The following PRDM16 variants were observed in gnomAD, a reference collection of about 807,000 sequenced individuals.
PRDM16 encodes histone-lysine N-methyltransferase PRDM16.
A neutral mutation model predicts 110.6 loss-of-function variants in PRDM16; 23 were observed. The ratio of observed to expected loss-of-function variants is 0.21; its 90% confidence interval spans 0.15 to 0.29. PRDM16 has a LOEUF of 0.29. PRDM16 is among the 10% of genes least tolerant of loss of function. The pLI, the probability that PRDM16 is intolerant of heterozygous loss-of-function variation, is 1.00. For synonymous variants in PRDM16, 799 were observed against 781.8 expected, an observed-to-expected ratio of 1.02 and a Z score of -0.37; for missense variants, 1,615 against 1,794.3, an observed-to-expected ratio of 0.90 and a Z score of 1.81.
chr1:3,368,000 G>C (rs1372339013), intron 3 of PRDM16, among the ~76,000 whole-genome samples: 1 of 152,226 alleles, frequency 6.6e-6, no homozygotes, highest in East Asian at 1.9e-4. Flanking sequence ...GAGAGCTGGA[G>C]GAGGGGACAG....
Position 3,353,250 on chromosome 1 carries a change from T to G in PRDM16, c.439-31902T>G, listed in dbSNP as rs1642529672. Among the ~76,000 whole-genome samples the G allele has an allele frequency of 6.6e-6, 1 of 152,218 alleles. No homozygotes were observed. The highest frequency in any genetic ancestry group is 2.4e-5 in the African/African-American group (1 of 41,458). ...TGTTGCCTGAGGTGCGGTAAAAGTT[T>G]ACGAGGGCTGGGCAGCTCCTAGGCA... On this transcript the variant is annotated intron_variant, in intron 3 of 16. Coordinates refer to ENST00000270722, the MANE Select transcript of PRDM16 (RefSeq NM_022114.4). The surrounding 1 kb of genome is among the most constrained non-coding windows in gnomAD (Gnocchi z 5.4).
intron 1 of PRDM16, among the ~76,000 whole-genome samples, chr1:3,173,352 C>T (rs1439676573): frequency 1.3e-5 from 2 of 152,174 alleles, no homozygotes; most frequent in East Asian, 1.9e-4. Context: ...CTGCCCGGGG[C>T]GATGGAGGCG....
At chr1:3,151,299 C>T (rs553963297) in intron 1 of PRDM16, among the ~76,000 whole-genome samples, 6 of 152,304 alleles carry the variant, frequency 3.9e-5, no homozygotes, top group East Asian at 3.9e-4. Flanking sequence ...GAAGTGGGGA[C>T]GAGCAGGGTC....
At position 3,359,857 on chromosome 1, in the gene PRDM16, G is replaced by GC. The variant is rs377571853; in HGVS notation, c.439-25294dup. On this transcript the variant is annotated intron_variant, in intron 3 of 16. Transcript: ENST00000270722. The surrounding 1 kb of genome is among the most constrained non-coding windows in gnomAD (Gnocchi z 4.3). ...ACTTAGAAGGTGGCACCCGACAAGG[G>GC]CTTCCAATGTGTTCCATGTGCAGGA... Among the ~76,000 whole-genome samples, 23 of 141,812 alleles carry GC rather than the reference G, an allele frequency of 1.6e-4. No homozygotes were observed. Among genetic ancestry groups the GC allele is most frequent in the African/African-American group, 6.6e-4 (21 of 31,678 alleles). The allele number at this position is 141,812 out of a possible 152,430, so 93.0% of individuals were successfully genotyped here.
rs1422622117 is a variant in PRDM16 at position 3,244,930 on chromosome 1, T to C, written c.438+793T>C. 6.6e-6 allele frequency among the ~76,000 whole-genome samples: 1 copy of C among 152,202 alleles called. No homozygotes were observed. The highest frequency in any genetic ancestry group is 2.4e-5 in the African/African-American group (1 of 41,452). On this transcript the variant is annotated intron_variant, in intron 3 of 16. Coordinates refer to ENST00000270722, the MANE Select transcript of PRDM16 (RefSeq NM_022114.4). This position sits in a 1 kb window ranked among gnomAD's most constrained non-coding sequence, Gnocchi z 4.1. The stretch of plus-strand genomic sequence containing the variant: ...ACACAGCACGCTCACACGTGGTGGC[T>C]GATCTCCTATTTTTTGGGGGGGGGT...
chr1:3,253,523 A>G (rs1469668769), intron 3 of PRDM16, among the ~76,000 whole-genome samples: 2 of 151,590 alleles, frequency 1.3e-5, no homozygotes, highest in Non-Finnish European at 2.9e-5. Context: ...CCATGTCCCT[A>G]CAAAGGACAT....
In PRDM16 at chr1:3,438,003, T is replaced by C; in HGVS notation, c.*4192T>C. ...CTGTGCCGCCCGCCACCTTCTGCCA[T>C]TGTTACATTACAGATTTGGTTTAGT... On this transcript the variant is annotated 3_prime_UTR_variant, in exon 17 of 17. Transcript: ENST00000270722. 1 of 217,732 alleles carries C rather than the reference T, an allele frequency of 4.6e-6. No homozygotes were observed. Among genetic ancestry groups the C allele is most frequent in the Non-Finnish European group, 9.2e-6 (1 of 108,164 alleles). 13.5% of individuals were successfully genotyped at this position (217,732 alleles called of 1,614,324 possible).
rs145260355 is a variant in PRDM16, at chr1:3,233,621, G to C, written c.388-10466G>C. On this transcript the variant is annotated intron_variant, in intron 2 of 16. Coordinates refer to ENST00000270722, the MANE Select transcript of PRDM16 (RefSeq NM_022114.4). ...CTGGTCCTCTCTGCCCAGCAGGCCT[G>C]CAGTAGCCTCCTTCAGCAGCCTCCC... 3.1e-4 allele frequency among the ~76,000 whole-genome samples: 47 copies of C among 152,340 alleles called. No homozygotes were observed. In the East Asian group the frequency reaches 8.9e-3, roughly 29 times the overall value.
chr1:3,362,154 G>C (rs1452712422), intron 3 of PRDM16, among the ~76,000 whole-genome samples: 1 of 152,246 alleles, frequency 6.6e-6, no homozygotes, highest in Admixed American at 6.5e-5. Flanking sequence ...CAAGGAGCAT[G>C]GAGTGGCCTC....
At chr1:3,098,457 G>A (rs1040876792) in intron 1 of PRDM16, among the ~76,000 whole-genome samples, 10 of 152,254 alleles carry the variant, frequency 6.6e-5, no homozygotes, top group East Asian at 3.9e-4. Context: ...CCCACTCACC[G>A]CTCCACCCAG....
intron 3 of PRDM16, among the ~76,000 whole-genome samples, chr1:3,247,476 C>A (rs901436778): frequency 6.6e-6 from 1 of 152,192 alleles, no homozygotes; most frequent in Non-Finnish European, 1.5e-5. Flanking sequence ...CGGGGCCTGG[C>A]TCCTGTGGGC....
intron 8 of PRDM16, among the ~76,000 whole-genome samples, chr1:3,408,536 G>C (rs1284163881): frequency 6.8e-6 from 1 of 147,306 alleles, no homozygotes; most frequent in Non-Finnish European, 1.5e-5. Flanking sequence ...GAGAGCGTGT[G>C]TGTGGACACA....
At position 3,409,686 on chromosome 1, in the gene PRDM16, G is replaced by A. The variant is rs556224090; in HGVS notation, c.1187-1698G>A. Among the ~76,000 whole-genome samples, 55 of 150,328 alleles carry A rather than the reference G, an allele frequency of 3.7e-4. 1 individual carries two copies. Among genetic ancestry groups the A allele is most frequent in the Non-Finnish European group, 1.6e-4 (11 of 67,442 alleles). On this transcript the variant is annotated intron_variant, in intron 8 of 16. Coordinates refer to ENST00000270722, the MANE Select transcript of PRDM16 (RefSeq NM_022114.4). Reference sequence around the variant, plus strand: ...GTGCGTGTCTGTGGTGTGTGTGTGCGTGTGTGTGGTGTATGTGCATGTGTG... The same window carrying A: ...GTGCGTGTCTGTGGTGTGTGTGTGCATGTGTGTGGTGTATGTGCATGTGTG...
Position 3,232,190 on chromosome 1 carries a change from CCGAT to C in PRDM16, c.388-11895_388-11892del, listed in dbSNP as rs571107883. ...CTCTTCATCTCCCTCTCCCTTCCCG[CCGAT>C]CCATCTCCCTCACTTCTCCAAATGG... On this transcript the variant is annotated intron_variant, in intron 2 of 16. Coordinates refer to ENST00000270722, the MANE Select transcript of PRDM16 (RefSeq NM_022114.4). Among the ~76,000 whole-genome samples, 206 of 152,338 alleles carry C rather than the reference CCGAT, an allele frequency of 1.4e-3. 1 individual carries two copies. Among genetic ancestry groups the C allele is most frequent in the African/African-American group, 4.6e-3 (193 of 41,570 alleles).
At chr1:3,114,689 G>A (rs1240717127) in intron 1 of PRDM16, among the ~76,000 whole-genome samples, 1 of 152,222 alleles carries the variant, frequency 6.6e-6, no homozygotes, top group East Asian at 1.9e-4. Flanking sequence ...CATGCACCCG[G>A]GTGCACACAC....
At chr1:3,259,075 C>G (rs546220389) in intron 3 of PRDM16, among the ~76,000 whole-genome samples, 1 of 152,322 alleles carries the variant, frequency 6.6e-6, no homozygotes, top group South Asian at 2.1e-4. Context: ...GCAAATTAGG[C>G]CAGAAGGAAG....
chr1:3,285,032 C>T (rs552847217), intron 3 of PRDM16, among the ~76,000 whole-genome samples: 5 of 152,180 alleles, frequency 3.3e-5, no homozygotes, highest in East Asian at 1.9e-4. Context: ...GAGCATGGAA[C>T]GCTTCACCTG....
intron 2 of PRDM16, among the ~76,000 whole-genome samples, chr1:3,232,329 G>A (rs913483068): frequency 6.6e-6 from 1 of 152,228 alleles, no homozygotes; most frequent in Non-Finnish European, 1.5e-5. Context: ...TGTGACATTG[G>A]ACGACTTAAC....
intron 1 of PRDM16, among the ~76,000 whole-genome samples, chr1:3,113,477 C>T (rs1335972207): frequency 9.6e-6 from 1 of 104,010 alleles, no homozygotes; most frequent in Non-Finnish European, 1.8e-5. Flanking sequence ...GAGGAAGGCT[C>T]GGAGGAAGGA....
Sources: gnomAD v4.1 joint callset for allele counts (sites outside exome capture counted in the v4.1 genomes callset) on GRCh38, gnomAD v4.1.1 for gene constraint, Gnocchi (gnomAD v3.1) non-coding constraint, MANE v1.5 for transcripts, NCBI Gene and HGNC (gene_info 2026-07-23, HGNC 2026-07-21) for gene names.